Variants in IL36A observed in about 807,000 individuals in gnomAD.
IL36A encodes interleukin-36 alpha.
A neutral mutation model predicts 12.7 loss-of-function variants in IL36A; 13 were observed. The ratio of observed to expected loss-of-function variants is 1.02; its 90% confidence interval spans 0.67 to 1.63. IL36A has a LOEUF of 1.63. Ranked by LOEUF, IL36A falls within the 40% of genes most tolerant of loss-of-function variation. The pLI is 0.00. For missense variants in IL36A, 195 were observed against 192.9 expected (o/e 1.01, Z -0.07); for synonymous variants, 73 against 71.9 (o/e 1.01, Z -0.08).
chr2:113,009,310 G>GTA (rs1421354034), downstream of IL36A, among the ~76,000 whole-genome samples: 3 of 151,440 alleles, frequency 2.0e-5, no homozygotes, highest in Non-Finnish European at 4.4e-5. Context: ...CCATTACTGG[G>GTA]TATATACCCA....
chr2:113,010,574 G>A (rs985064988), downstream of IL36A, among the ~76,000 whole-genome samples: 1 of 152,158 alleles, frequency 6.6e-6, no homozygotes, highest in African/African-American at 2.4e-5. Flanking sequence ...CATCTTTGAC[G>A]TTGCCTGGAT....
downstream of IL36A, chr2:113,008,065 T>G (rs369558209): frequency 6.3e-7 from 1 of 1,587,386 alleles, no homozygotes; most frequent in African/African-American, 1.3e-5. Context: ...GTTTGGAGGA[T>G]AGTCTCCATG....
At chr2:113,010,007 CTTT>C (rs1280936565), downstream of IL36A, among the ~76,000 whole-genome samples, 3 of 150,670 alleles carry the variant, frequency 2.0e-5, 1 homozygote, top group South Asian at 4.2e-4. Flanking sequence ...TTGAAGACTT[CTTT>C]TTAATCCTCT....
At position 113,006,596 on chromosome 2, in the gene IL36A, A is replaced by C. The variant is rs764637384; in HGVS notation, c.125-2A>C. ...ACACCACTTTTCACATCGTGTTCCC[A>C]GTCACTATTGCCTTAATCTCATGCC... is the stretch of plus-strand genomic sequence containing the variant. On this transcript the variant is annotated splice_acceptor_variant, in intron 2 of 3. Transcript: ENST00000259211. LOFTEE classifies it high-confidence loss of function. 1 of 1,613,922 alleles carries C rather than the reference A, an allele frequency of 6.2e-7. No individual in the cohort carries two copies. The highest frequency in any genetic ancestry group is 8.5e-7 in the Non-Finnish European group (1 of 1,179,988).
At chr2:113,006,919 C>A (rs1334579500) in intron 3 of IL36A, among the ~76,000 whole-genome samples, 182 bp downstream of exon 3, 1 of 152,134 alleles carries the variant, frequency 6.6e-6, no homozygotes, top group Non-Finnish European at 1.5e-5. Context: ...ACTAAAATGA[C>A]TTATTATTTT....
intron 3 of IL36A, among the ~76,000 whole-genome samples, chr2:113,006,983 C>T (rs994561688): frequency 2.5e-4 from 38 of 152,088 alleles, no homozygotes; most frequent in African/African-American, 8.2e-4. Flanking sequence ...TTCAATAGAA[C>T]ACACACACAG....
chr2:113,007,598 A>C (rs1295879979), intron 3 of IL36A, among the ~76,000 whole-genome samples: 1 of 152,226 alleles, frequency 6.6e-6, no homozygotes, highest in African/African-American at 2.4e-5. Context: ...TCATGTCAAC[A>C]CATTTTTCAG....
downstream of IL36A, chr2:113,008,173 C>A: frequency 1.3e-6 from 1 of 762,016 alleles, no homozygotes; most frequent in Non-Finnish European, 2.2e-6. Flanking sequence ...CCAATATATT[C>A]ATGCAGTGAC....
At chr2:113,006,131 C>G (rs1684615898) in intron 2 of IL36A, 44 bp downstream of exon 2, 2 of 1,261,636 alleles carry the variant, frequency 1.6e-6, no homozygotes, top group East Asian at 4.6e-5. Flanking sequence ...TTGGCCAGTG[C>G]TGTTGTGTGT....
At position 113,005,891 on chromosome 2, in the gene IL36A, C is replaced by T; in HGVS notation, c.10+10C>T. On this transcript the variant is annotated intron_variant, in intron 1 of 3. Transcript: ENST00000259211. The stretch of plus-strand genomic sequence containing the variant: ...ACCACAATGGAAAAAGGTAAAGATC[C>T]TCGTGGAAGGGCGAAAAATTGACAA... 4 of 1,614,094 alleles carry T rather than the reference C, an allele frequency of 2.5e-6. No homozygotes were observed. The highest frequency in any genetic ancestry group is 3.4e-6 in the Non-Finnish European group (4 of 1,179,976).
chr2:113,006,405 T>C (rs1361782457), intron 2 of IL36A, among the ~76,000 whole-genome samples, 193 bp from the exon 3 acceptor site: 1 of 152,190 alleles, frequency 6.6e-6, no homozygotes, highest in Non-Finnish European at 1.5e-5. Context: ...TTTGAATCCA[T>C]GAAAGACTGA....
rs776973376 is a variant in IL36A, at chr2:113,005,821, T to A, written c.-51T>A. On this transcript the variant is annotated 5_prime_UTR_variant, in exon 1 of 4. Transcript: ENST00000259211. ...CTCAGGTCCTCTCTTGGGGTCGGTC[T>A]GCACATAAAAGGACTCCTATCCTTG... 2 of 1,611,280 alleles carry A rather than the reference T, an allele frequency of 1.2e-6. No individual in the cohort carries two copies. Among genetic ancestry groups the A allele is most frequent in the Non-Finnish European group, 1.7e-6 (2 of 1,177,512 alleles).
chr2:113,008,119 G>T, downstream of IL36A: 1 of 1,255,838 alleles, frequency 8.0e-7, no homozygotes, highest in Non-Finnish European at 1.1e-6. Context: ...TGGGCAGGGA[G>T]AATTTGTTAT....
intron 1 of IL36A, 30 bp downstream of exon 1, chr2:113,005,911 T>C (rs555679914): frequency 6.2e-7 from 1 of 1,613,806 alleles, no homozygotes; most frequent in Non-Finnish European, 8.5e-7. Context: ...GGCGAAAAAT[T>C]GACAAGGGGG....
chr2:113,009,890 T>A (rs534373086), downstream of IL36A, among the ~76,000 whole-genome samples: 2 of 152,378 alleles, frequency 1.3e-5, no homozygotes, highest in African/African-American at 4.8e-5. Context: ...GTCGCATTCA[T>A]CTAGAGAACA....
downstream of IL36A, among the ~76,000 whole-genome samples, chr2:113,008,806 C>CT (rs527935833): frequency 8.3e-5 from 12 of 144,482 alleles, no homozygotes; most frequent in Non-Finnish European, 1.1e-4. Flanking sequence ...ATGAAGCTTT[C>CT]TTTTTTTTTT....
At chr2:113,006,822 T>C in intron 3 of IL36A, 85 bp downstream of exon 3, 1 of 1,420,398 alleles carries the variant, frequency 7.0e-7, no homozygotes, top group Non-Finnish European at 9.6e-7. Flanking sequence ...CTTATTATGC[T>C]CATGCATTTT....
rs1387836228 is a variant in IL36A at position 113,006,724 on chromosome 2, C to T, written c.251C>T (p.Thr84Ile). The T allele has an allele frequency of 6.2e-7, 1 of 1,614,110 alleles. No homozygotes were observed. The highest frequency in any genetic ancestry group is 2.2e-5 in the East Asian group (1 of 44,890). The change falls in exon 3 of 4, where the codon ACA (threonine) becomes ATA (isoleucine). Residue 84 changes from threonine to isoleucine, a missense_variant. Transcript: ENST00000259211. Reference sequence around the variant, plus strand: ...TGTGCTAAAGTCGGGGACCAGCCCACACTGCAGCTGAAGGTGAGTGTGGAA... The same window carrying T: ...TGTGCTAAAGTCGGGGACCAGCCCATACTGCAGCTGAAGGTGAGTGTGGAA... ...LMCAKVGDQPTLQLKEKDIMD... is the reference protein window; with the variant it reads ...LMCAKVGDQPILQLKEKDIMD...
chr2:113,007,610 G>A (rs1434743643), intron 3 of IL36A, among the ~76,000 whole-genome samples: 1 of 152,122 alleles, frequency 6.6e-6, no homozygotes, highest in African/African-American at 2.4e-5. Flanking sequence ...ATTTTTCAGA[G>A]CCTCACATTA....
Sources: gnomAD v4.1 joint callset for allele counts (sites outside exome capture counted in the v4.1 genomes callset) on GRCh38, gnomAD v4.1.1 for gene constraint, MANE v1.5 for transcripts, NCBI Gene and HGNC (gene_info 2026-07-23, HGNC 2026-07-21) for gene names.